The following DIXDC1 variants were observed in gnomAD, a reference collection of about 807,000 sequenced individuals.
The protein encoded by DIXDC1 is dixin.
A neutral mutation model predicts 103.1 loss-of-function variants in DIXDC1; 64 were observed. The ratio of observed to expected loss-of-function variants is 0.62; its 90% CI spans 0.51 to 0.76. The LOEUF (loss-of-function observed/expected upper bound fraction) is 0.76, where lower values mean the gene tolerates loss of function less well. Among genes scored for constraint, DIXDC1 ranks in the 30% least tolerant of loss-of-function variants. The pLI is 0.00. For missense variants in DIXDC1, 759 were observed against 834.2 expected (o/e 0.91, Z 1.11); for synonymous variants, 266 against 298.5 (o/e 0.89, Z 1.12).
chr11:111,994,630 G>T, intron 14 of DIXDC1, among the ~76,000 whole-genome samples: 2 of 151,368 alleles, frequency 1.3e-5, no homozygotes, highest in Admixed American at 1.3e-4. Flanking sequence ...GTATATATAT[G>T]TATGAATATA....
At chr11:111,964,314 C>T (rs1455771081) in intron 1 of DIXDC1, among the ~76,000 whole-genome samples, 1 of 152,200 alleles carries the variant, frequency 6.6e-6, no homozygotes, top group Non-Finnish European at 1.5e-5. Context: ...TACAGTGCCA[C>T]CCAAGTCCGA....
chr11:111,962,212 T>G (rs1555171142), intron 1 of DIXDC1, among the ~76,000 whole-genome samples: 1 of 152,138 alleles, frequency 6.6e-6, no homozygotes, highest in Non-Finnish European at 1.5e-5. Flanking sequence ...CCGGGTGCGG[T>G]GGCTCATATC....
chr11:111,953,088 TAGAA>T (rs1302156604), intron 1 of DIXDC1, among the ~76,000 whole-genome samples: 1 of 152,118 alleles, frequency 6.6e-6, no homozygotes, highest in African/African-American at 2.4e-5. Flanking sequence ...GAAGTGAAGT[TAGAA>T]AGAAAAGTAC....
intron 1 of DIXDC1, among the ~76,000 whole-genome samples, chr11:111,957,346 T>A (rs1859421704): frequency 1.3e-5 from 2 of 152,176 alleles, no homozygotes; most frequent in Non-Finnish European, 2.9e-5. Context: ...TTGAAATGGA[T>A]GGGAAAAGTG....
intron 1 of DIXDC1, chr11:111,946,698 C>A: frequency 2.8e-6 from 1 of 354,518 alleles, no homozygotes; most frequent in South Asian, 2.2e-5. Flanking sequence ...TGGAGAACCT[C>A]TTAAGAACTT....
intron 2 of DIXDC1, among the ~76,000 whole-genome samples, chr11:111,966,875 ATATCAAATCCAGTGGCCAAGCCTCCACCT>A (rs1555171606): frequency 6.6e-6 from 1 of 152,220 alleles, no homozygotes; most frequent in African/African-American, 2.4e-5. Context: ...CCTCAAGGTC[ATATCAAATCCAGTGGCCAAGCCTCCACCT>A]TATCAAATCC....
Position 112,019,024 on chromosome 11 carries a change from T to C in DIXDC1, c.2040T>C (p.His680=), listed in dbSNP as rs1555178122. 1 of 1,611,372 alleles carries C rather than the reference T, an allele frequency of 6.2e-7. No individual in the cohort carries two copies. The highest frequency in any genetic ancestry group is 1.7e-5 in the Admixed American group (1 of 59,922). The change falls in exon 20 of 20, where the codon CAT becomes CAC. Residue 680 remains histidine, a synonymous_variant. Transcript: ENST00000440460. ...TTGTAGCTTGGGTGGAAGAAGACCA[T>C]GGAGAGAATTAATGCCAAGTATCAG... ...GKIVAWVEED[H]GEN
rs771750121 is a variant in DIXDC1, at chr11:111,958,660, G to A, written c.61-5889G>A. On this transcript the variant is annotated intron_variant, in intron 1 of 19. Coordinates refer to ENST00000440460, the MANE Select transcript of DIXDC1 (RefSeq NM_001037954.4). The surrounding 1 kb of genome is among the most constrained non-coding windows in gnomAD (Gnocchi z 4.2). ...CCTGTGTGGAAAGGGGCGGGTTCCC[G>A]GTGAAGCCCCACCTTCAAACCAGGG... Among the ~76,000 whole-genome samples the A allele has an allele frequency of 5.9e-5, 9 of 152,168 alleles. No homozygotes were observed. Among genetic ancestry groups the A allele is most frequent in the African/African-American group, 7.2e-5 (3 of 41,440 alleles).
rs1428898277 is a variant in DIXDC1 at position 111,954,124 on chromosome 11, A to G, written c.61-10425A>G. On this transcript the variant is annotated intron_variant, in intron 1 of 19. Transcript: ENST00000440460. ...TTTATTTTTGTATTATTACATTGTA[A>G]TATATAATGAAATAATTATACAACT... Among the ~76,000 whole-genome samples, 4 of 152,158 alleles carry G rather than the reference A, an allele frequency of 2.6e-5. No individual in the cohort carries two copies. In the East Asian group the frequency reaches 7.7e-4, roughly 29 times the overall value.
At chr11:111,932,181 A>G (rs1348313051) in intron 2 of DIXDC1, among the ~76,000 whole-genome samples, 1 of 151,344 alleles carries the variant, frequency 6.6e-6, no homozygotes, top group Non-Finnish European at 1.5e-5. Flanking sequence ...CAGGCGTAGG[A>G]CACCACGCCT....
intron 3 of DIXDC1, 69 bp downstream of exon 3, chr11:111,968,707 C>G: frequency 6.9e-7 from 1 of 1,451,142 alleles, no homozygotes; most frequent in Non-Finnish European, 9.2e-7. Flanking sequence ...TCAGGAAAAT[C>G]CTTGGCTGTA....
rs1354338487 is a variant in DIXDC1 at position 111,993,564 on chromosome 11, A to G, written c.1341A>G (p.Lys447=). 3.1e-6 allele frequency: 5 copies of G among 1,613,294 alleles called. No homozygotes were observed. The highest frequency in any genetic ancestry group is 4.2e-6 in the Non-Finnish European group (5 of 1,179,738). The stretch of plus-strand genomic sequence containing the variant: ...CCAAGTTAGAAGAAGCACTCCGGAA[A>G]CTCTCTGATGTCAGTTACCACCAGG... The part of the protein sequence containing the change: ...HQAKLEEALR[K]LSDVSYHQVD... The change falls in exon 13 of 20, where the codon AAA becomes AAG. Residue 447 remains lysine (K), a synonymous_variant. Transcript: ENST00000440460.
intron 17 of DIXDC1, among the ~76,000 whole-genome samples, chr11:112,006,880 A>G (rs587739226): frequency 2.5e-4 from 38 of 152,360 alleles, no homozygotes; most frequent in South Asian, 2.1e-3. Flanking sequence ...TGAAGATTCT[A>G]AAAACGAGAG....
At chr11:111,952,528 A>T (rs925834370) in intron 1 of DIXDC1, among the ~76,000 whole-genome samples, 3 of 152,086 alleles carry the variant, frequency 2.0e-5, no homozygotes, top group Non-Finnish European at 4.4e-5. Flanking sequence ...CTCTACAAAA[A>T]AATCCAAAAA....
intron 17 of DIXDC1, among the ~76,000 whole-genome samples, chr11:112,009,914 C>T (rs587655227): frequency 6.6e-6 from 1 of 152,320 alleles, no homozygotes; most frequent in East Asian, 1.9e-4. Flanking sequence ...CAGGGATGCC[C>T]TCTCTCACCA....
chr11:112,000,954 C>G (rs1300451395), intron 17 of DIXDC1, among the ~76,000 whole-genome samples: 3 of 151,976 alleles, frequency 2.0e-5, no homozygotes, highest in Non-Finnish European at 4.4e-5. Flanking sequence ...ACCATATGAC[C>G]CAAAAGAATT....
At chr11:111,937,649 T>C in intron 1 of DIXDC1, 90 bp downstream of exon 1, 1 of 1,357,924 alleles carries the variant, frequency 7.4e-7, no homozygotes, top group Non-Finnish European at 1.0e-6. Flanking sequence ...TCCTCCATCC[T>C]TTGGGGACCC....
upstream of DIXDC1, among the ~76,000 whole-genome samples, chr11:111,936,165 C>T (rs1555168085): frequency 6.6e-6 from 1 of 152,258 alleles, no homozygotes; most frequent in African/African-American, 2.4e-5. Flanking sequence ...TGATTGGCTG[C>T]GTCCTTGGAC....
Position 111,974,905 on chromosome 11 carries a change from A to C in DIXDC1, c.578A>C (p.Asn193Thr). The C allele has an allele frequency of 1.2e-6, 2 of 1,613,668 alleles. No homozygotes were observed. Among genetic ancestry groups the C allele is most frequent in the Non-Finnish European group, 1.7e-6 (2 of 1,179,810 alleles). ...AGCAGCATGGATGAGGAAATTGAGA[A>C]TCCATACTGGAGTGTGCGGGCCCTA... is the stretch of plus-strand genomic sequence containing the variant. Reference protein sequence around the residue: ...RNSSMDEEIENPYWSVRALVQ... With the variant: ...RNSSMDEEIETPYWSVRALVQ... Residue 193 changes from asparagine to threonine, a missense_variant, in exon 5 of 20, where the codon AAT becomes ACT. Around this residue, in one of 3 missense-constraint regions of DIXDC1, gnomAD observed 657 missense variants for 727.5 expected, o/e 0.90. Transcript: ENST00000440460.
Sources: gnomAD v4.1 joint callset for allele counts (sites outside exome capture counted in the v4.1 genomes callset) on GRCh38, gnomAD v4.1.1 for gene constraint, gnomAD v4.1.1 regional missense constraint, Gnocchi (gnomAD v3.1) non-coding constraint, MANE v1.5 for transcripts, NCBI Gene and HGNC (gene_info 2026-07-23, HGNC 2026-07-21) for gene names.